LHFPL4: variants seen among roughly 807,000 people sequenced by gnomAD.
LHFPL4 encodes the protein LHFPL tetraspan subfamily member 4 protein.
A neutral mutation model predicts 20.0 loss-of-function variants in LHFPL4; 6 were observed. The observed-to-expected ratio is 0.30, with a 90% CI of 0.16 to 0.59. The LOEUF is 0.59. LHFPL4 is among the 20% of genes least tolerant of loss of function. The pLI, the probability that LHFPL4 is intolerant of heterozygous loss-of-function variation, is 0.88. For missense variants in LHFPL4, 215 were observed against 331.2 expected, an observed-to-expected ratio of 0.65 and a Z score of 2.72; for synonymous variants, 129 against 143.8, an observed-to-expected ratio of 0.90 and a Z score of 0.74.
chr3:9,502,339 A>G, intron 3 of LHFPL4, 28 bp from the exon 4 acceptor site: 1 of 1,469,572 alleles, frequency 6.8e-7, no homozygotes, highest in Non-Finnish European at 9.5e-7. Flanking sequence ...AGAGAGAAGG[A>G]GAGAGAATTA....
intron 3 of LHFPL4, among the ~76,000 whole-genome samples, chr3:9,503,829 C>T (rs2046195873): frequency 6.6e-6 from 1 of 152,144 alleles, no homozygotes. Flanking sequence ...AGTTCAAGAC[C>T]AGCCTGGGCA....
intron 2 of LHFPL4, among the ~76,000 whole-genome samples, chr3:9,508,088 C>T (rs1240744836): frequency 1.3e-5 from 2 of 152,140 alleles, no homozygotes; most frequent in Non-Finnish European, 2.9e-5. Context: ...CAGCTCTGCC[C>T]ACTGTCCACC....
rs2046563279 is a variant in LHFPL4, at chr3:9,552,641, C to A, written c.39G>T (p.Glu13Asp). The A allele has an allele frequency of 6.2e-7, 1 of 1,613,256 alleles. No homozygotes were observed. The highest frequency in any genetic ancestry group is 8.5e-7 in the Non-Finnish European group (1 of 1,179,780). Residue 13 changes from glutamate to aspartate, a missense_variant, in exon 2 of 4, where the codon GAG (glutamate) becomes GAT (aspartate). This residue lies in a region of LHFPL4 where 164 missense variants were observed against 286.7 expected (regional missense o/e 0.57). Transcript: ENST00000287585. ...TGGCCCGCGAGTTCCGCATGTAGTGCTCGTGGTAGAGCTTGGAGGCCTCCT... is the reference window on the plus strand; with the variant it reads ...TGGCCCGCGAGTTCCGCATGTAGTGATCGTGGTAGAGCTTGGAGGCCTCCT... ...PSQEASKLYH[E>D]HYMRNSRAIG...
chr3:9,512,081 C>G (rs531594866), intron 2 of LHFPL4, among the ~76,000 whole-genome samples: 3 of 152,228 alleles, frequency 2.0e-5, no homozygotes, highest in Middle Eastern at 3.4e-3. Context: ...TACAGGCGCC[C>G]GCCACCACAC....
chr3:9,525,644 T>C (rs1468211005), intron 2 of LHFPL4, among the ~76,000 whole-genome samples: 1 of 152,136 alleles, frequency 6.6e-6, no homozygotes, highest in Non-Finnish European at 1.5e-5. Context: ...ATGAAATGCA[T>C]TGCAACAATG....
chr3:9,539,658 A>G (rs985901466), intron 2 of LHFPL4, among the ~76,000 whole-genome samples: 4 of 152,134 alleles, frequency 2.6e-5, no homozygotes, highest in Non-Finnish European at 5.9e-5. Flanking sequence ...CATGGGGGAA[A>G]AATCCATAGA....
intron 2 of LHFPL4, among the ~76,000 whole-genome samples, chr3:9,545,715 C>T (rs1405743060): frequency 6.6e-6 from 1 of 151,524 alleles, no homozygotes; most frequent in Admixed American, 6.6e-5. Context: ...GACTCCATCT[C>T]AAAATAAATA....
chr3:9,516,402 G>T (rs978497988), intron 2 of LHFPL4, among the ~76,000 whole-genome samples: 1 of 151,912 alleles, frequency 6.6e-6, no homozygotes, highest in African/African-American at 2.4e-5. Flanking sequence ...TATTTATGTG[G>T]GTCTGTTTCT....
intron 2 of LHFPL4, among the ~76,000 whole-genome samples, chr3:9,509,698 G>A (rs1235440787): frequency 1.3e-5 from 2 of 152,184 alleles, no homozygotes; most frequent in African/African-American, 4.8e-5. Context: ...GTGGCTGTGG[G>A]GCCCCAGAGG....
In LHFPL4 at chr3:9,506,783, G is replaced by A. The variant is rs2046221836; in HGVS notation, c.407-580C>T. On this transcript the variant is annotated intron_variant, in intron 2 of 3. Transcript: ENST00000287585. This position sits in a 1 kb window ranked among gnomAD's most constrained non-coding sequence, Gnocchi z 4.5. ...TTTAGTAGAGATGAGGTTTCACCAT[G>A]TTGGCCAGGCTGGTCTCGAACTCCT... 1.3e-5 allele frequency among the ~76,000 whole-genome samples: 2 copies of A among 152,228 alleles called. No homozygotes were observed. The highest frequency in any genetic ancestry group is 4.1e-4 in the South Asian group (2 of 4,820).
chr3:9,505,671 G>A (rs916242537), intron 3 of LHFPL4, among the ~76,000 whole-genome samples: 1 of 152,040 alleles, frequency 6.6e-6, no homozygotes, highest in Admixed American at 6.5e-5. Flanking sequence ...GGATCCACCC[G>A]CCTCGGCCTC....
chr3:9,527,611 G>T (rs1044444213), intron 2 of LHFPL4, among the ~76,000 whole-genome samples: 5 of 152,058 alleles, frequency 3.3e-5, no homozygotes, highest in Admixed American at 6.6e-5. Context: ...GAAGGCTGAG[G>T]TGGGAGGATT....
At chr3:9,550,939 C>T (rs1013187117) in intron 2 of LHFPL4, 4 of 152,242 alleles carry the variant, frequency 2.6e-5, no homozygotes, top group South Asian at 2.1e-4. Context: ...AGACCAGCCT[C>T]ATGACTTTGT....
Position 9,503,913 on chromosome 3 carries a change from C to T in LHFPL4, c.644-1602G>A, listed in dbSNP as rs181038133. The stretch of plus-strand genomic sequence containing the variant: ...TGGTGGCGCATGCCTGTAGTCCCAG[C>T]CACTCAGGAGGCTGAGGCAGGAGAA... On this transcript the variant is annotated intron_variant, in intron 3 of 3. Transcript: ENST00000287585. Among the ~76,000 whole-genome samples the T allele has an allele frequency of 2.6e-5, 4 of 152,170 alleles. No individual in the cohort carries two copies. The East Asian group carries it at 5.8e-4, about 22-fold the overall frequency.
intron 2 of LHFPL4, among the ~76,000 whole-genome samples, chr3:9,536,675 A>G (rs952544020): frequency 2.0e-5 from 3 of 152,160 alleles, no homozygotes; most frequent in African/African-American, 4.8e-5. Flanking sequence ...AACAAATGGT[A>G]TCATGGCTGG....
At chr3:9,537,969 A>G (rs1273433958) in intron 2 of LHFPL4, among the ~76,000 whole-genome samples, 8 of 152,094 alleles carry the variant, frequency 5.3e-5, no homozygotes, top group Non-Finnish European at 1.0e-4. Context: ...TTTCCCAAAT[A>G]GACCTTCTCT....
chr3:9,542,202 C>G (rs2046481201), intron 2 of LHFPL4, among the ~76,000 whole-genome samples: 1 of 152,114 alleles, frequency 6.6e-6, no homozygotes, highest in African/African-American at 2.4e-5. Context: ...ACAAGAATCG[C>G]TTGAACCCAG....
rs1354648209 is a variant in LHFPL4 at position 9,498,503 on chromosome 3, T to G, written c.*3708A>C. On this transcript the variant is annotated 3_prime_UTR_variant, in exon 4 of 4. Coordinates refer to ENST00000287585, the MANE Select transcript of LHFPL4 (RefSeq NM_198560.3). ...AGCGAGGACACACTCAGACAAAACT[T>G]ACTAATGGGGTATAGACAACACCAA... 6.5e-6 allele frequency: 1 copy of G among 152,714 alleles called. No homozygotes were observed. The highest frequency in any genetic ancestry group is 1.5e-5 in the Non-Finnish European group (1 of 68,154). 9.5% of individuals were successfully genotyped at this position (152,714 alleles called of 1,614,324 possible).
intron 2 of LHFPL4, among the ~76,000 whole-genome samples, chr3:9,536,958 C>T (rs976448483): frequency 2.0e-5 from 3 of 151,534 alleles, no homozygotes; most frequent in Non-Finnish European, 2.9e-5. Flanking sequence ...TGGTAGTGCG[C>T]GCCTGCAGTC....
Sources: allele counts gnomAD v4.1 joint callset (sites outside exome capture counted in the v4.1 genomes callset), GRCh38; gene constraint gnomAD v4.1.1; regional missense constraint gnomAD v4.1.1; non-coding constraint Gnocchi (gnomAD v3.1); transcripts MANE v1.5; gene names NCBI Gene and HGNC (gene_info 2026-07-23, HGNC 2026-07-21).